PTPRT: variants seen among roughly 807,000 people sequenced by gnomAD.
PTPRT encodes protein tyrosine phosphatase receptor type T.
A neutral mutation model predicts 176.8 loss-of-function variants in PTPRT; 56 were observed. That is an observed-to-expected ratio of 0.32 (90% CI 0.26 to 0.40). The LOEUF is 0.40. Among genes scored for constraint, PTPRT ranks in the 10% least tolerant of loss-of-function variants. The probability of loss-of-function intolerance (pLI) is 1.00; values close to 1 mark genes in which losing one functional copy is unlikely to be tolerated. For missense variants in PTPRT, 1,540 were observed against 1,908.2 expected, an observed-to-expected ratio of 0.81 and a Z score of 3.60; for synonymous variants, 783 against 739.0, an observed-to-expected ratio of 1.06 and a Z score of -0.96.
intron 1 of PTPRT, among the ~76,000 whole-genome samples, chr20:43,164,075 G>T (rs1300645936): frequency 6.6e-6 from 1 of 152,126 alleles, no homozygotes; most frequent in Non-Finnish European, 1.5e-5. Context: ...GATTATTTGG[G>T]ATTATTTAAA....
rs564883342 is a variant in PTPRT at position 42,835,547 on chromosome 20, G to C, written c.215-44081C>G. ...AAGGAGCTGAGTCTGGTTGCCTCAG[G>C]GGGGCAGAGAATGAGAGGGGAAGGG... is the stretch of plus-strand genomic sequence containing the variant. On this transcript the variant is annotated intron_variant, in intron 2 of 30. Coordinates refer to ENST00000373187, the MANE Select transcript of PTPRT (RefSeq NM_007050.6). Among the ~76,000 whole-genome samples the C allele has an allele frequency of 1.2e-4, 19 of 152,222 alleles. No individual in the cohort carries two copies. The South Asian group carries it at 1.5e-3, about 12-fold the overall frequency.
the PTPRT span, among the ~76,000 whole-genome samples, chr20:42,054,560 G>C: frequency 1.3e-5 from 2 of 152,164 alleles, no homozygotes; most frequent in East Asian, 3.9e-4. Context: ...TTCTCTGTTG[G>C]TGTCTGTGGT....
At chr20:42,651,915 G>A (rs2075038281) in intron 7 of PTPRT, among the ~76,000 whole-genome samples, 1 of 152,038 alleles carries the variant, frequency 6.6e-6, no homozygotes, top group African/African-American at 2.4e-5. Flanking sequence ...GGGCTTGGTG[G>A]TGTGTGCCTG....
At chr20:42,442,991 T>C (rs1391692199) in intron 9 of PTPRT, among the ~76,000 whole-genome samples, 2 of 152,176 alleles carry the variant, frequency 1.3e-5, no homozygotes, top group Non-Finnish European at 2.9e-5. Flanking sequence ...ACACCCTGAT[T>C]AGGGAACCCT....
Position 42,693,233 on chromosome 20 carries a change from G to A in PTPRT, c.860-15074C>T, listed in dbSNP as rs539381007. ...ATTTTTAAAGATCCAAATAAATGGA[G>A]AGATATTCCATGCTCATGAATTAGA... On this transcript the variant is annotated intron_variant, in intron 6 of 30. Transcript: ENST00000373187. Among the ~76,000 whole-genome samples the A allele has an allele frequency of 3.6e-4, 55 of 152,266 alleles. 1 individual carries two copies. Among genetic ancestry groups the A allele is most frequent in the African/African-American group, 1.2e-3 (50 of 41,556 alleles).
At chr20:42,641,316 C>A (rs2074743981) in intron 7 of PTPRT, among the ~76,000 whole-genome samples, 1 of 152,114 alleles carries the variant, frequency 6.6e-6, no homozygotes. Context: ...ATTGCATGAA[C>A]TGATAAAGTG....
Position 42,253,235 on chromosome 20 carries a change from T to A in PTPRT, c.2177-4413A>T, listed in dbSNP as rs74737457. 5.8e-3 allele frequency among the ~76,000 whole-genome samples: 886 copies of A among 152,190 alleles called. 12 individuals carry two copies. Among genetic ancestry groups the A allele is most frequent in the African/African-American group, 0.02 (845 of 41,532 alleles). ...AGAATGTGACCTGTGATGGGAGTCA[T>A]AAAAAAGCACATCAGGGTTGGCTAC... On this transcript the variant is annotated intron_variant, in intron 13 of 30. Coordinates refer to ENST00000373187, the MANE Select transcript of PTPRT (RefSeq NM_007050.6).
chr20:42,965,554 T>C (rs570260608), intron 1 of PTPRT, among the ~76,000 whole-genome samples: 3 of 152,322 alleles, frequency 2.0e-5, no homozygotes, highest in Non-Finnish European at 4.4e-5. Context: ...ATGGAAATTC[T>C]GAAAATTTAA....
intron 5 of PTPRT, among the ~76,000 whole-genome samples, chr20:42,766,728 G>A (rs1378504431): frequency 6.6e-6 from 1 of 152,246 alleles, no homozygotes; most frequent in South Asian, 2.1e-4. Flanking sequence ...TCTAACCACT[G>A]CCAGAAAGAA....
chr20:42,155,834 T>C (rs777570564), intron 17 of PTPRT, among the ~76,000 whole-genome samples: 6 of 152,204 alleles, frequency 3.9e-5, no homozygotes, highest in Non-Finnish European at 7.3e-5. Context: ...GCCGCCTACC[T>C]GCCTCTGTTG....
intron 9 of PTPRT, among the ~76,000 whole-genome samples, chr20:42,438,863 C>T (rs111817351): frequency 3.9e-5 from 6 of 152,078 alleles, no homozygotes; most frequent in African/African-American, 7.2e-5. Context: ...ATACCTGTGT[C>T]GTAATAGAAA....
intron 7 of PTPRT, among the ~76,000 whole-genome samples, chr20:42,668,957 G>T (rs946837543): frequency 2.6e-4 from 36 of 139,656 alleles, no homozygotes; most frequent in Non-Finnish European, 4.5e-4. Context: ...TGATCCGCCC[G>T]CCTCGGCCTC....
chr20:43,083,351 T>TATATATATATATATATATATAC lies in PTPRT; in HGVS notation c.88+106294_88+106295insGTATATATATATATATATATAT, dbSNP rs2011511581. 1.3e-3 allele frequency among the ~76,000 whole-genome samples: 147 copies of TATATATATATATATATATATAC among 114,286 alleles called. 8 individuals carry two copies. Among genetic ancestry groups the TATATATATATATATATATATAC allele is most frequent in the African/African-American group, 4.8e-3 (141 of 29,102 alleles). 75.0% of individuals were successfully genotyped at this position (114,286 alleles called of 152,430 possible). ...ATATATATATATATATATATATATATATATATATATATATATATACATTTT... is the reference window on the plus strand; with the variant it reads ...ATATATATATATATATATATATATATATATATATATATATATATATACATATATATATATATATATACATTTT... On this transcript the variant is annotated intron_variant, in intron 1 of 30. Transcript: ENST00000373187.
At chr20:42,210,099 C>A (rs894630342) in intron 15 of PTPRT, among the ~76,000 whole-genome samples, 5 of 152,072 alleles carry the variant, frequency 3.3e-5, no homozygotes, top group Non-Finnish European at 7.4e-5. Flanking sequence ...ATTCAACAAC[C>A]CTTCATGCTA....
intron 15 of PTPRT, among the ~76,000 whole-genome samples, chr20:42,212,247 T>C (rs927780711): frequency 4.2e-5 from 6 of 143,250 alleles, no homozygotes; most frequent in Admixed American, 7.2e-5. Flanking sequence ...TGTATACATA[T>C]GTAACATGTA....
At chr20:42,253,972 T>C (rs1784873516) in intron 13 of PTPRT, among the ~76,000 whole-genome samples, 1 of 152,210 alleles carries the variant, frequency 6.6e-6, no homozygotes, top group Admixed American at 6.5e-5. Flanking sequence ...TTATATGTGC[T>C]ACCTGTCTAC....
intron 4 of PTPRT, among the ~76,000 whole-genome samples, chr20:42,772,950 G>A (rs1306733940): frequency 1.3e-5 from 2 of 152,154 alleles, no homozygotes; most frequent in Non-Finnish European, 2.9e-5. Flanking sequence ...CAAGTTTAAT[G>A]TGCTGAAAGC....
intron 11 of PTPRT, among the ~76,000 whole-genome samples, chr20:42,342,750 T>A (rs539893216): frequency 3.2e-4 from 48 of 152,210 alleles, no homozygotes; most frequent in Admixed American, 6.5e-4. Context: ...TCTGTGATTG[T>A]TTCATGTGCT....
At chr20:42,553,293 C>G (rs1187666953) in intron 7 of PTPRT, among the ~76,000 whole-genome samples, 1 of 152,124 alleles carries the variant, frequency 6.6e-6, no homozygotes, top group Admixed American at 6.6e-5. Context: ...TCTTTCTTCT[C>G]CACACATTTT....
Sources: gnomAD v4.1 joint callset for allele counts (sites outside exome capture counted in the v4.1 genomes callset) on GRCh38, gnomAD v4.1.1 for gene constraint, MANE v1.5 for transcripts, NCBI Gene and HGNC (gene_info 2026-07-23, HGNC 2026-07-21) for gene names.